The following CAMTA1 variants were observed in gnomAD, a reference collection of about 807,000 sequenced individuals.
The protein encoded by CAMTA1 is calmodulin-binding transcription activator 1.
CAMTA1 carries 27 observed loss-of-function variants against 170.9 expected under a neutral mutation model. The observed-to-expected ratio is 0.16, with a 90% CI of 0.12 to 0.22. The LOEUF (loss-of-function observed/expected upper bound fraction) is 0.22. Ranked by LOEUF, CAMTA1 falls within the 10% of genes least tolerant of loss-of-function variation. The pLI is 1.00. For missense variants in CAMTA1, 1,619 were observed against 2,217.2 expected, an observed-to-expected ratio of 0.73 and a Z score of 5.42; for synonymous variants, 833 against 891.5, an observed-to-expected ratio of 0.93 and a Z score of 1.17.
rs2095565436 is a variant in CAMTA1 at position 7,617,280 on chromosome 1, T to C, written c.511-23120T>C. Among the ~76,000 whole-genome samples the C allele has an allele frequency of 6.6e-5, 10 of 152,246 alleles. No individual in the cohort carries two copies. The South Asian group carries it at 2.1e-3, about 32-fold the overall frequency. ...TATCAGGAGGGCTCTGCTGCCACAT[T>C]CTCTCTCCAGCTCAGCGGGGGAAGA... On this transcript the variant is annotated intron_variant, in intron 6 of 22. Coordinates refer to ENST00000303635, the MANE Select transcript of CAMTA1 (RefSeq NM_015215.4).
chr1:7,023,611 T>TA (rs1054875866), intron 3 of CAMTA1, among the ~76,000 whole-genome samples: 6 of 151,918 alleles, frequency 3.9e-5, no homozygotes, highest in African/African-American at 7.2e-5. Flanking sequence ...TGGTTTTTTT[T>TA]AAAAAAAGAA....
At chr1:7,457,648 G>A (rs941764479) in intron 5 of CAMTA1, among the ~76,000 whole-genome samples, 9 of 152,192 alleles carry the variant, frequency 5.9e-5, no homozygotes, top group African/African-American at 1.9e-4. Context: ...GGCCTATGCT[G>A]CAAAAGCAAT....
Position 7,662,318 on chromosome 1 carries a change from C to T in CAMTA1, c.805+452C>T, listed in dbSNP as rs139654735. On this transcript the variant is annotated intron_variant, in intron 8 of 22. Transcript: ENST00000303635. The stretch of plus-strand genomic sequence containing the variant: ...TCTCCTCCAAGAACATGAAGCGTCC[C>T]GCGCTCTCCTTCCTAATGTGTCTGT... 9.8e-5 allele frequency among the ~76,000 whole-genome samples: 15 copies of T among 152,330 alleles called. No homozygotes were observed. In the East Asian group the frequency reaches 1.2e-3, roughly 12 times the overall value.
intron 6 of CAMTA1, among the ~76,000 whole-genome samples, chr1:7,548,167 A>G (rs1248412219): frequency 6.6e-6 from 1 of 152,226 alleles, no homozygotes; most frequent in African/African-American, 2.4e-5. Context: ...TAACCAGGTC[A>G]CTGGTCATGC....
At chr1:7,719,592 G>GT (rs1553263334) in intron 11 of CAMTA1, among the ~76,000 whole-genome samples, 5 of 152,192 alleles carry the variant, frequency 3.3e-5, no homozygotes, top group Non-Finnish European at 5.9e-5. Context: ...GAGTATGGCG[G>GT]TTTTTTCTAC....
chr1:7,020,605 A>G (rs1428590272), intron 3 of CAMTA1, among the ~76,000 whole-genome samples: 1 of 152,152 alleles, frequency 6.6e-6, no homozygotes, highest in East Asian at 1.9e-4. Context: ...ACCACCCCCT[A>G]CTGTAGGCTG....
rs75766498 is a variant in CAMTA1 at position 7,730,378 on chromosome 1, G to A, written c.2915-2070G>A. Among the ~76,000 whole-genome samples the A allele has an allele frequency of 1.9e-3, 282 of 152,194 alleles. 6 individuals are homozygous for A. The East Asian group carries it at 0.031, about 17-fold the overall frequency. On this transcript the variant is annotated intron_variant, in intron 11 of 22. Transcript: ENST00000303635. ...CTGAAAGCCCTGCCTCAGGGCCTTC[G>A]CATGTGCTATTACCAGGCCTCAGTT...
rs562885844 is a variant in CAMTA1 at position 7,286,169 on chromosome 1, G to C, written c.438+36543G>C. Among the ~76,000 whole-genome samples, 1 of 152,140 alleles carries C rather than the reference G, an allele frequency of 6.6e-6. No homozygotes were observed. Among genetic ancestry groups the C allele is most frequent in the Admixed American group, 6.5e-5 (1 of 15,272 alleles). The stretch of plus-strand genomic sequence containing the variant: ...GGATGAGTGAGCCTGCTGGTGGGGG[G>C]CAGAGAGGAAAGACCTCACAGGGAG... On this transcript the variant is annotated intron_variant, in intron 5 of 22. Coordinates refer to ENST00000303635, the MANE Select transcript of CAMTA1 (RefSeq NM_015215.4). This position sits in a 1 kb window ranked among gnomAD's most constrained non-coding sequence, Gnocchi z 4.2.
intron 6 of CAMTA1, among the ~76,000 whole-genome samples, chr1:7,526,716 G>A (rs931524911): frequency 4.6e-5 from 7 of 152,304 alleles, no homozygotes; most frequent in African/African-American, 1.4e-4. Context: ...ACCAGCCTGC[G>A]TTCTAGCAGT....
At chr1:6,859,635 C>T (rs1430378399) in intron 3 of CAMTA1, among the ~76,000 whole-genome samples, 1 of 151,984 alleles carries the variant, frequency 6.6e-6, no homozygotes, top group African/African-American at 2.4e-5. Context: ...ACAAAATAAA[C>T]AAAATTAGCT....
At chr1:7,082,398 G>T (rs535740752) in intron 3 of CAMTA1, among the ~76,000 whole-genome samples, 9 of 152,096 alleles carry the variant, frequency 5.9e-5, no homozygotes, top group Non-Finnish European at 1.3e-4. Context: ...AGATCATGCC[G>T]CTGCCTTCCA....
intron 11 of CAMTA1, among the ~76,000 whole-genome samples, chr1:7,705,523 C>T (rs1444411941): frequency 3.6e-4 from 53 of 147,252 alleles, no homozygotes; most frequent in African/African-American, 1.2e-3. Context: ...CGCGCGCGGG[C>T]GGGGCTGGGG....
chr1:7,400,765 G>C (rs1032299558), intron 5 of CAMTA1, among the ~76,000 whole-genome samples: 5 of 152,202 alleles, frequency 3.3e-5, no homozygotes, highest in African/African-American at 9.6e-5. Context: ...AGTGATGCCT[G>C]TGAGTACCTC....
chr1:7,340,876 G>C (rs568471237), intron 5 of CAMTA1, among the ~76,000 whole-genome samples: 26 of 152,218 alleles, frequency 1.7e-4, no homozygotes, highest in African/African-American at 6.3e-4. Flanking sequence ...CTGTTCTCAA[G>C]GAGTTCACAC....
chr1:7,038,928 T>C (rs908337345), intron 3 of CAMTA1, among the ~76,000 whole-genome samples: 15 of 152,182 alleles, frequency 9.9e-5, no homozygotes, highest in Non-Finnish European at 1.9e-4. Context: ...TAATCCCAGC[T>C]ACTCAGGAGA....
At chr1:7,235,818 T>C (rs2149232384) in intron 4 of CAMTA1, among the ~76,000 whole-genome samples, 1 of 152,344 alleles carries the variant, frequency 6.6e-6, no homozygotes, top group South Asian at 2.1e-4. Flanking sequence ...AAACCTCTTT[T>C]ACGATTTTCA....
At chr1:7,458,144 C>T (rs779739091) in intron 5 of CAMTA1, among the ~76,000 whole-genome samples, 15 of 152,184 alleles carry the variant, frequency 9.9e-5, no homozygotes, top group Non-Finnish European at 1.9e-4. Flanking sequence ...GCTCTTCAAT[C>T]GCCTCCATCT....
chr1:6,850,336 A>G (rs141959002), intron 3 of CAMTA1, among the ~76,000 whole-genome samples: 2 of 152,244 alleles, frequency 1.3e-5, no homozygotes, highest in Admixed American at 1.3e-4. Flanking sequence ...CAGAGGTTTA[A>G]TATCCTTCAT....
rs138025046 is a variant in CAMTA1, at chr1:7,092,575, G to A, written c.302+1204G>A. Among the ~76,000 whole-genome samples the A allele has an allele frequency of 0.036, 5,473 of 152,220 alleles. 115 individuals are homozygous for A. The highest frequency in any genetic ancestry group is 0.065 in the Middle Eastern group (19 of 294). On this transcript the variant is annotated intron_variant, in intron 4 of 22. Coordinates refer to ENST00000303635, the MANE Select transcript of CAMTA1 (RefSeq NM_015215.4). This position sits in a 1 kb window ranked among gnomAD's most constrained non-coding sequence, Gnocchi z 5.0. ...TGGCCTGAGAATGGGAGGAGAGTCT[G>A]TCCGCAGGAGTCCCCAAAACCTCAG...
Sources: allele counts gnomAD v4.1 joint callset (sites outside exome capture counted in the v4.1 genomes callset), GRCh38; gene constraint gnomAD v4.1.1; non-coding constraint Gnocchi (gnomAD v3.1); transcripts MANE v1.5; gene names NCBI Gene and HGNC (gene_info 2026-07-23, HGNC 2026-07-21).